Variants in ARMC2 observed in about 807,000 individuals in gnomAD.
ARMC2 encodes the protein armadillo repeat containing 2, also known as armadillo repeat-containing protein 2.
ARMC2 carries 67 observed loss-of-function variants against 90.3 expected under a neutral mutation model. The observed-to-expected ratio is 0.74, with a 90% CI of 0.61 to 0.91. The LOEUF (loss-of-function observed/expected upper bound fraction) is 0.91, where lower values mean the gene tolerates loss of function less well. ARMC2 is among the 40% of genes least tolerant of loss of function. The probability of loss-of-function intolerance (pLI) is 0.00; values close to 1 mark genes in which losing one functional copy is unlikely to be tolerated. For missense variants in ARMC2, 920 were observed against 1,030.9 expected (o/e 0.89, Z 1.47); for synonymous variants, 393 against 393.0 (o/e 1.00, Z 0.00).
chr6:108,903,835 A>G (rs1221331786), intron 7 of ARMC2, among the ~76,000 whole-genome samples: 1 of 152,246 alleles, frequency 6.6e-6, no homozygotes, highest in Non-Finnish European at 1.5e-5. Flanking sequence ...ATTTTAGGCC[A>G]GTAGAGCTAT....
the ARMC2 span, among the ~76,000 whole-genome samples, chr6:109,022,922 T>C: frequency 6.6e-6 from 1 of 152,156 alleles, no homozygotes; most frequent in Non-Finnish European, 1.5e-5. Context: ...TTTGTTAATG[T>C]TAATATTCCA....
At chr6:108,961,085 G>A (rs1301004631) in intron 13 of ARMC2, among the ~76,000 whole-genome samples, 1 of 152,194 alleles carries the variant, frequency 6.6e-6, no homozygotes, top group African/African-American at 2.4e-5. Flanking sequence ...GAACTAGTGG[G>A]GAGGTAGAGG....
At chr6:108,991,878 A>G in the ARMC2 span, among the ~76,000 whole-genome samples, 1 of 152,194 alleles carries the variant, frequency 6.6e-6, no homozygotes, top group Non-Finnish European at 1.5e-5. Context: ...AGCTCTCAGC[A>G]GCCAACCAAT....
intron 12 of ARMC2, among the ~76,000 whole-genome samples, chr6:108,940,361 G>C: frequency 6.6e-6 from 1 of 152,192 alleles, no homozygotes. Context: ...CTGCGCGTGA[G>C]AGAGGCACCC....
intron 13 of ARMC2, among the ~76,000 whole-genome samples, chr6:108,954,403 T>C (rs1053299259): frequency 1.3e-5 from 2 of 152,104 alleles, no homozygotes; most frequent in African/African-American, 4.8e-5. Context: ...GGTGGGTGGA[T>C]CACAAGGTCA....
chr6:108,948,134 T>G (rs1776934500), intron 12 of ARMC2, among the ~76,000 whole-genome samples: 1 of 152,202 alleles, frequency 6.6e-6, no homozygotes, highest in African/African-American at 2.4e-5. Flanking sequence ...TTTTATAGAC[T>G]TGAGATGGCT....
chr6:109,005,931 G>A, the ARMC2 span, among the ~76,000 whole-genome samples: 1 of 152,196 alleles, frequency 6.6e-6, no homozygotes, highest in African/African-American at 2.4e-5. Context: ...GAGGAAGAGA[G>A]GGTAAAGTGG....
At chr6:109,012,244 CTTTTTTTTTT>C in the ARMC2 span, among the ~76,000 whole-genome samples, 1 of 138,944 alleles carries the variant, frequency 7.2e-6, no homozygotes, top group Non-Finnish European at 1.6e-5. Context: ...TTTGATATTT[CTTTTTTTTTT>C]TTTTTTGAGA....
At chr6:109,031,249 A>C in the ARMC2 span, among the ~76,000 whole-genome samples, 1 of 152,184 alleles carries the variant, frequency 6.6e-6, no homozygotes, top group Admixed American at 6.5e-5. Context: ...AAAGTCAGTA[A>C]AAGTGATTAG....
At chr6:109,040,657 C>CTT in the ARMC2 span, among the ~76,000 whole-genome samples, 14,017 of 142,056 alleles carry the variant, frequency 0.099, 815 homozygotes, top group Middle Eastern at 0.18. Context: ...CTAGCATAAT[C>CTT]TTTTTTTTTT....
the ARMC2 span, among the ~76,000 whole-genome samples, chr6:109,029,994 C>T: frequency 5.3e-5 from 8 of 152,170 alleles, no homozygotes; most frequent in Admixed American, 2.6e-4. Flanking sequence ...TGAGATATTA[C>T]GGTACCCAAC....
intron 7 of ARMC2, among the ~76,000 whole-genome samples, chr6:108,903,726 G>A (rs1325866483): frequency 6.6e-6 from 1 of 152,168 alleles, no homozygotes; most frequent in Non-Finnish European, 1.5e-5. Flanking sequence ...CTAAGGTAAT[G>A]TTTGTTGAAT....
chr6:108,864,997 A>ATTTTTTTTTT (rs36025894), intron 3 of ARMC2, among the ~76,000 whole-genome samples: 20 of 132,810 alleles, frequency 1.5e-4, no homozygotes, highest in African/African-American at 5.4e-4. Context: ...TCTCAAGTGA[A>ATTTTTTTTTT]TTTTTTTTTT....
intron 10 of ARMC2, among the ~76,000 whole-genome samples, chr6:108,917,779 C>T (rs943649870): frequency 1.3e-5 from 2 of 152,138 alleles, no homozygotes; most frequent in African/African-American, 2.4e-5. Flanking sequence ...TCCAGAGTAG[C>T]TGGGATTACA....
At chr6:108,918,032 G>A (rs890134457) in intron 10 of ARMC2, among the ~76,000 whole-genome samples, 1 of 152,138 alleles carries the variant, frequency 6.6e-6, no homozygotes, top group African/African-American at 2.4e-5. Context: ...TCTCAAGTAG[G>A]AAGTAGGAGA....
intron 12 of ARMC2, among the ~76,000 whole-genome samples, chr6:108,941,924 T>C (rs1776471490): frequency 1.3e-5 from 2 of 152,236 alleles, no homozygotes; most frequent in South Asian, 4.1e-4. Flanking sequence ...GAAAAATACA[T>C]AATTTATATT....
intron 2 of ARMC2, among the ~76,000 whole-genome samples, chr6:108,857,280 A>G (rs547462518): frequency 1.3e-5 from 2 of 152,354 alleles, no homozygotes; most frequent in South Asian, 2.1e-4. Flanking sequence ...GATTTTATCC[A>G]TATCTTGTTA....
intron 4 of ARMC2, 146 bp from the exon 5 acceptor site, chr6:108,875,997 G>C: frequency 1.4e-6 from 1 of 716,320 alleles, no homozygotes; most frequent in Non-Finnish European, 2.3e-6. Flanking sequence ...GCTCAGAAAG[G>C]CTTTGGCCAT....
downstream of ARMC2, among the ~76,000 whole-genome samples, chr6:108,978,660 T>G (rs1232092902): frequency 2.6e-5 from 4 of 152,222 alleles, no homozygotes; most frequent in African/African-American, 9.6e-5. Context: ...AAGAACTTGC[T>G]TTATGAATCT....
Sources: gnomAD v4.1 joint callset for allele counts (sites outside exome capture counted in the v4.1 genomes callset) on GRCh38, gnomAD v4.1.1 for gene constraint, MANE v1.5 for transcripts, NCBI Gene and HGNC (gene_info 2026-07-23, HGNC 2026-07-21) for gene names.